ARMH3: variants seen among roughly 807,000 people sequenced by gnomAD.
ARMH3 encodes armadillo-like helical domain-containing protein 3.
Under a neutral mutation model 99.1 loss-of-function variants are expected in ARMH3, and 60 were observed. The observed-to-expected ratio is 0.61, with a 90% CI of 0.49 to 0.75. The LOEUF is 0.75. Among genes scored for constraint, ARMH3 ranks in the 30% least tolerant of loss-of-function variants. The pLI, the probability that ARMH3 is intolerant of heterozygous loss-of-function variation, is 0.00. For missense variants in ARMH3, 679 were observed against 843.1 expected (o/e 0.81, Z 2.41); for synonymous variants, 285 against 292.8 (o/e 0.97, Z 0.27).
chr10:101,933,600 T>C (rs1360154911), intron 23 of ARMH3, among the ~76,000 whole-genome samples: 1 of 152,344 alleles, frequency 6.6e-6, no homozygotes, highest in African/African-American at 2.4e-5. Flanking sequence ...CTCCCAGTCA[T>C]TGGGTAAACA....
intron 19 of ARMH3, among the ~76,000 whole-genome samples, chr10:101,988,921 T>TC (rs1163090737): frequency 5.7e-5 from 3 of 52,998 alleles, no homozygotes; most frequent in Non-Finnish European, 9.4e-5. Context: ...AGACTCTGTC[T>TC]CAAAAAAAAA....
At chr10:102,036,030 G>A (rs1413051974) in intron 2 of ARMH3, among the ~76,000 whole-genome samples, 1 of 152,016 alleles carries the variant, frequency 6.6e-6, no homozygotes, top group Admixed American at 6.6e-5. Context: ...CCCCGACTGG[G>A]AGGTGGGGAG....
intron 24 of ARMH3, among the ~76,000 whole-genome samples, chr10:101,869,523 A>G (rs1027926193): frequency 6.6e-6 from 1 of 152,252 alleles, no homozygotes; most frequent in East Asian, 1.9e-4. Context: ...GAGAAATGAG[A>G]AAATATTTTA....
At chr10:101,855,527 G>A (rs920380837) in intron 24 of ARMH3, among the ~76,000 whole-genome samples, 1 of 150,756 alleles carries the variant, frequency 6.6e-6, no homozygotes, top group African/African-American at 2.4e-5. Flanking sequence ...CTGGATGATG[G>A]AGTGAGACCC....
chr10:101,932,869 T>C (rs1370558873), intron 23 of ARMH3, among the ~76,000 whole-genome samples: 4 of 152,194 alleles, frequency 2.6e-5, no homozygotes, highest in Admixed American at 1.3e-4. Context: ...TGAATGTACT[T>C]ACCATTAAAC....
chr10:101,911,283 TG>T (rs1842854310), intron 23 of ARMH3, among the ~76,000 whole-genome samples: 1 of 152,216 alleles, frequency 6.6e-6, no homozygotes, highest in South Asian at 2.1e-4. Context: ...TGCAATTCTC[TG>T]CTCTGCTGTC....
chr10:102,046,897 C>T (rs1316463384), intron 1 of ARMH3, among the ~76,000 whole-genome samples: 1 of 152,174 alleles, frequency 6.6e-6, no homozygotes, highest in African/African-American at 2.4e-5. Flanking sequence ...AATGAACAAA[C>T]TGTGAAATGT....
chr10:102,018,797 A>T (rs531528282), intron 8 of ARMH3, among the ~76,000 whole-genome samples: 2 of 152,212 alleles, frequency 1.3e-5, no homozygotes, highest in East Asian at 3.9e-4. Context: ...TCTATCAAAA[A>T]TACAAAAAAA....
intron 11 of ARMH3, 110 bp from the exon 12 acceptor site, chr10:102,010,133 G>T: frequency 1.1e-6 from 1 of 932,364 alleles, no homozygotes; most frequent in Non-Finnish European, 1.7e-6. Context: ...CACCTGGGGA[G>T]AACTTGGAAC....
intron 24 of ARMH3, among the ~76,000 whole-genome samples, chr10:101,853,974 G>T (rs2066672568): frequency 6.6e-6 from 1 of 152,162 alleles, no homozygotes; most frequent in African/African-American, 2.4e-5. Flanking sequence ...TTAGCTGGGT[G>T]CAGTGGTAGG....
chr10:102,055,298 AAAATAAATAAAT>A (rs60846376), intron 1 of ARMH3, among the ~76,000 whole-genome samples: 11 of 149,316 alleles, frequency 7.4e-5, no homozygotes, highest in Admixed American at 4.0e-4. Flanking sequence ...ACTCCATCTC[AAAATAAATAAAT>A]AAATAAATAA....
chr10:101,997,732 TAA>T (rs1219617134), intron 15 of ARMH3, among the ~76,000 whole-genome samples: 2 of 152,158 alleles, frequency 1.3e-5, no homozygotes, highest in Admixed American at 6.5e-5. Flanking sequence ...TTATACTTTA[TAA>T]GTTATGCTAT....
chr10:101,854,112 C>CA (rs954811112), intron 24 of ARMH3, among the ~76,000 whole-genome samples: 13 of 150,566 alleles, frequency 8.6e-5, no homozygotes, highest in African/African-American at 1.5e-4. Context: ...GACTCCGTCT[C>CA]AAAAAAAAAG....
intron 20 of ARMH3, 93 bp from the exon 21 acceptor site, chr10:101,957,825 A>C (rs768374023): frequency 6.8e-7 from 1 of 1,465,220 alleles, no homozygotes; most frequent in Non-Finnish European, 9.0e-7. Context: ...AAAATCCAGA[A>C]GGTTAGAGTG....
intron 1 of ARMH3, among the ~76,000 whole-genome samples, chr10:102,054,939 T>C (rs1182734298): frequency 2.0e-5 from 3 of 150,510 alleles, no homozygotes; most frequent in Admixed American, 6.7e-5. Context: ...GAGGTTGCAG[T>C]GAGCCGAGAT....
At chr10:102,037,171 G>A (rs2067297500) in intron 2 of ARMH3, among the ~76,000 whole-genome samples, 1 of 150,806 alleles carries the variant, frequency 6.6e-6, no homozygotes, top group Admixed American at 6.6e-5. Flanking sequence ...AATCTCTTCT[G>A]GATTTTGTTT....
intron 1 of ARMH3, among the ~76,000 whole-genome samples, chr10:102,052,384 C>T (rs989987766): frequency 2.6e-5 from 4 of 152,186 alleles, no homozygotes; most frequent in East Asian, 1.9e-4. Flanking sequence ...CTGCCACACC[C>T]GGCTCATTTT....
At position 101,847,477 on chromosome 10, in the gene ARMH3, C is replaced by T. The variant is rs2135242151; in HGVS notation, c.*51G>A. 2 of 1,573,736 alleles carry T rather than the reference C, an allele frequency of 1.3e-6. No individual in the cohort carries two copies. Among genetic ancestry groups the T allele is most frequent in the East Asian group, 2.2e-5 (1 of 44,632 alleles). ...CTCTCCCCTCGCTCCCCCTCCAGCCCATGATCCTCATGGGTAAGGGCAGTC... is the reference window on the plus strand; with the variant it reads ...CTCTCCCCTCGCTCCCCCTCCAGCCTATGATCCTCATGGGTAAGGGCAGTC... On this transcript the variant is annotated 3_prime_UTR_variant, in exon 26 of 26. Coordinates refer to ENST00000370033, the MANE Select transcript of ARMH3 (RefSeq NM_024541.3).
At chr10:102,028,772 C>T (rs1359801242) in intron 5 of ARMH3, among the ~76,000 whole-genome samples, 1 of 152,118 alleles carries the variant, frequency 6.6e-6, no homozygotes, top group African/African-American at 2.4e-5. Flanking sequence ...CTAATGGGTA[C>T]AGGTTTTCTT....
Sources: allele counts gnomAD v4.1 joint callset (sites outside exome capture counted in the v4.1 genomes callset), GRCh38; gene constraint gnomAD v4.1.1; transcripts MANE v1.5; gene names NCBI Gene and HGNC (gene_info 2026-07-23, HGNC 2026-07-21).